The following PTPRG variants were observed in gnomAD, a reference collection of about 807,000 sequenced individuals.
PTPRG encodes the protein protein tyrosine phosphatase receptor type G.
PTPRG carries 102 observed loss-of-function variants against 165.3 expected under a neutral mutation model. The ratio of observed to expected loss-of-function variants is 0.62; its 90% CI spans 0.53 to 0.73. The LOEUF (loss-of-function observed/expected upper bound fraction) is 0.73, where lower values mean the gene tolerates loss of function less well. Ranked by LOEUF, PTPRG falls within the 30% of genes least tolerant of loss-of-function variation. The pLI is 0.00. For missense variants in PTPRG, 1,866 were observed against 1,861.4 expected (o/e 1.00, Z -0.05); for synonymous variants, 675 against 669.5 (o/e 1.01, Z -0.13).
chr3:62,089,066 T>G (rs1241215899), intron 5 of PTPRG, among the ~76,000 whole-genome samples: 2 of 152,200 alleles, frequency 1.3e-5, no homozygotes, highest in East Asian at 3.9e-4. Flanking sequence ...GAAGCTACTG[T>G]TTTCTCTATC....
chr3:62,287,017 T>TTTTAA (rs1702689133), intron 28 of PTPRG, among the ~76,000 whole-genome samples: 1 of 152,212 alleles, frequency 6.6e-6, no homozygotes, highest in Non-Finnish European at 1.5e-5. Flanking sequence ...GTATAAATAC[T>TTTTAA]TTTAATTTTA....
At chr3:61,860,553 G>A (rs2037235505) in intron 2 of PTPRG, among the ~76,000 whole-genome samples, 2 of 142,488 alleles carry the variant, frequency 1.4e-5, no homozygotes, top group South Asian at 4.4e-4. Flanking sequence ...TGATTATACT[G>A]CCTCAGCCTC....
At chr3:61,779,913 C>T (rs960446638) in intron 2 of PTPRG, among the ~76,000 whole-genome samples, 4 of 152,090 alleles carry the variant, frequency 2.6e-5, no homozygotes, top group East Asian at 1.9e-4. Flanking sequence ...AGCTCTGAGG[C>T]GATAATTGAT....
At chr3:61,840,780 T>TG (rs2036606470) in intron 2 of PTPRG, among the ~76,000 whole-genome samples, 1 of 112,674 alleles carries the variant, frequency 8.9e-6, no homozygotes, top group Admixed American at 8.5e-5. Context: ...TTTTGTTTGT[T>TG]TGTTTTTTTT....
intron 2 of PTPRG, among the ~76,000 whole-genome samples, chr3:61,814,595 TA>T (rs1559626830): frequency 6.6e-6 from 1 of 151,906 alleles, no homozygotes; most frequent in Admixed American, 6.6e-5. Flanking sequence ...AACTGTGAGT[TA>T]CATGGGAGGC....
intron 1 of PTPRG, among the ~76,000 whole-genome samples, chr3:61,676,228 T>C (rs949378417): frequency 3.3e-5 from 5 of 151,218 alleles, no homozygotes; most frequent in Non-Finnish European, 7.4e-5. Context: ...GAGGCTGAGG[T>C]GGGCAGATCA....
At chr3:61,690,386 A>G (rs1473235899) in intron 1 of PTPRG, among the ~76,000 whole-genome samples, 1 of 152,148 alleles carries the variant, frequency 6.6e-6, no homozygotes, top group East Asian at 1.9e-4. Flanking sequence ...TCCAGGATAA[A>G]TGGCAATTGC....
chr3:61,895,075 G>C (rs1446623326), intron 2 of PTPRG, among the ~76,000 whole-genome samples: 1 of 152,184 alleles, frequency 6.6e-6, no homozygotes, highest in Non-Finnish European at 1.5e-5. Flanking sequence ...CCTAGGGGCA[G>C]AATGGATCCC....
In PTPRG at chr3:62,297,027, G is replaced by A. The variant is rs1703084753; in HGVS notation, c.*3720G>A. 2 of 151,994 alleles carry A rather than the reference G, an allele frequency of 1.3e-5. No homozygotes were observed. Among genetic ancestry groups the A allele is most frequent in the South Asian group, 4.1e-4 (2 of 4,828 alleles). The allele number at this position is 151,994 out of a possible 1,614,324, so 9.4% of individuals were successfully genotyped here. On this transcript the variant is annotated 3_prime_UTR_variant, in exon 30 of 30. Transcript: ENST00000474889. ...CATTTGAAACTAGCAAGCAGCCATT[G>A]TTTCTAAAGAATTCTGGCTTCACAT...
At chr3:61,995,263 A>G (rs1240242442) in intron 3 of PTPRG, among the ~76,000 whole-genome samples, 3 of 151,286 alleles carry the variant, frequency 2.0e-5, no homozygotes, top group Non-Finnish European at 2.9e-5. Flanking sequence ...TCATTTTTGT[A>G]TTTTTAGTAG....
At chr3:62,082,409 T>C in intron 5 of PTPRG, among the ~76,000 whole-genome samples, 1 of 152,230 alleles carries the variant, frequency 6.6e-6, no homozygotes, top group Non-Finnish European at 1.5e-5. Flanking sequence ...TAGTGGTTAC[T>C]TGCACTTTGC....
At chr3:61,997,876 G>C (rs1488937764) in intron 3 of PTPRG, among the ~76,000 whole-genome samples, 1 of 152,158 alleles carries the variant, frequency 6.6e-6, no homozygotes, top group South Asian at 2.1e-4. Flanking sequence ...AGGAGTCCCA[G>C]GGCAACCCTC....
At chr3:62,191,211 C>T (rs531180182) in intron 8 of PTPRG, among the ~76,000 whole-genome samples, 14 of 149,680 alleles carry the variant, frequency 9.4e-5, no homozygotes, top group Admixed American at 6.0e-4. Context: ...ATTTGTGTCC[C>T]GTGCACGTGT....
chr3:61,741,048 A>G (rs2032962923), intron 1 of PTPRG, among the ~76,000 whole-genome samples: 1 of 152,210 alleles, frequency 6.6e-6, no homozygotes, highest in Non-Finnish European at 1.5e-5. Context: ...AGAATATTTA[A>G]TTACTTTTAA....
rs1369712479 is a variant in PTPRG, at chr3:61,654,785, T to TC, written c.85+92413_85+92414insC. On this transcript the variant is annotated intron_variant, in intron 1 of 29. Transcript: ENST00000474889. ...AGGAAGGCTACCTGTGCTTTTTCTT[T>TC]TTTTTTTTTTTTTTGAGACAAAGTC... Among the ~76,000 whole-genome samples the TC allele has an allele frequency of 5.5e-5, 8 of 146,416 alleles. No homozygotes were observed. The South Asian group carries it at 6.5e-4, about 12-fold the overall frequency.
rs1332373999 is a variant in PTPRG at position 61,995,665 on chromosome 3, C to CGCCT, written c.370+5869_370+5872dup. On this transcript the variant is annotated intron_variant, in intron 3 of 29. Transcript: ENST00000474889. Reference sequence around the variant, plus strand: ...TATGTTTCTGATAGTCTAGGCTTTCCGCCTGCCTGCCCGCCCGCCTTCCTT... The same window carrying CGCCT: ...TATGTTTCTGATAGTCTAGGCTTTCCGCCTGCCTGCCTGCCCGCCCGCCTTCCTT... Among the ~76,000 whole-genome samples the CGCCT allele has an allele frequency of 2.0e-4, 29 of 145,622 alleles. 2 individuals carry two copies. In the Middle Eastern group the frequency reaches 0.014, roughly 68 times the overall value.
At chr3:61,635,602 C>T (rs1313255565) in intron 1 of PTPRG, among the ~76,000 whole-genome samples, 1 of 151,900 alleles carries the variant, frequency 6.6e-6, no homozygotes, top group Non-Finnish European at 1.5e-5. Context: ...AAGCTTTGGC[C>T]TCCCAAAGTG....
At chr3:61,986,010 C>T (rs2040752069) in intron 2 of PTPRG, among the ~76,000 whole-genome samples, 1 of 151,416 alleles carries the variant, frequency 6.6e-6, no homozygotes, top group South Asian at 2.1e-4. Context: ...GCTCTGGAGA[C>T]CAAGGGAGTG....
Position 62,202,498 on chromosome 3 carries a change from G to A in PTPRG, c.1378-675G>A, listed in dbSNP as rs148236885. On this transcript the variant is annotated intron_variant, in intron 11 of 29. Transcript: ENST00000474889. Reference sequence around the variant, plus strand: ...ATTGTTGTTGATGTTGTTGTCATCTGTATGGGCTCAGATTTTCCCACGGAT... The same window carrying A: ...ATTGTTGTTGATGTTGTTGTCATCTATATGGGCTCAGATTTTCCCACGGAT... 2.0e-3 allele frequency among the ~76,000 whole-genome samples: 302 copies of A among 152,328 alleles called. 1 individual carries two copies. Among genetic ancestry groups the A allele is most frequent in the African/African-American group, 7.0e-3 (289 of 41,574 alleles).
Sources: allele counts gnomAD v4.1 joint callset (sites outside exome capture counted in the v4.1 genomes callset), GRCh38; gene constraint gnomAD v4.1.1; transcripts MANE v1.5; gene names NCBI Gene and HGNC (gene_info 2026-07-23, HGNC 2026-07-21).